CELF2: variants seen among roughly 807,000 people sequenced by gnomAD.
The protein encoded by CELF2 is CUGBP Elav-like family member 2.
A neutral mutation model predicts 62.6 loss-of-function variants in CELF2; 8 were observed. The observed-to-expected ratio is 0.13, with a 90% confidence interval of 0.07 to 0.23. CELF2 has a LOEUF of 0.23. Among genes scored for constraint, CELF2 ranks in the 10% least tolerant of loss-of-function variants. The pLI is 1.00. For missense variants in CELF2, 333 were observed against 671.0 expected (o/e 0.50, Z 5.56); for synonymous variants, 258 against 250.0 (o/e 1.03, Z -0.30).
At chr10:11,071,077 C>G (rs1273459763) in intron 1 of CELF2, among the ~76,000 whole-genome samples, 1 of 152,092 alleles carries the variant, frequency 6.6e-6, no homozygotes, top group Non-Finnish European at 1.5e-5. Context: ...CAGCAGTGAT[C>G]CTATTTATTT....
At chr10:10,499,358 C>G in the CELF2 span, among the ~76,000 whole-genome samples, 1 of 152,106 alleles carries the variant, frequency 6.6e-6, no homozygotes, top group East Asian at 1.9e-4. Flanking sequence ...CCATGCCCAG[C>G]CATTCTACCA....
chr10:11,066,623 C>A (rs2068238372), intron 1 of CELF2, among the ~76,000 whole-genome samples: 1 of 152,102 alleles, frequency 6.6e-6, no homozygotes, highest in Admixed American at 6.6e-5. Flanking sequence ...TTTAACCGTT[C>A]ACATATGTAG....
the CELF2 span, among the ~76,000 whole-genome samples, chr10:10,543,598 G>A: frequency 6.6e-6 from 1 of 152,198 alleles, no homozygotes; most frequent in Non-Finnish European, 1.5e-5. Context: ...TGTAATCCCA[G>A]CACTTTGGGA....
chr10:10,581,758 G>A, the CELF2 span, among the ~76,000 whole-genome samples: 8 of 152,138 alleles, frequency 5.3e-5, no homozygotes, highest in African/African-American at 1.2e-4. Flanking sequence ...GGCCAGGCGC[G>A]GTGGTTCACG....
intron 1 of CELF2, among the ~76,000 whole-genome samples, chr10:10,858,994 C>G (rs1393639645): frequency 1.3e-5 from 2 of 152,272 alleles, no homozygotes; most frequent in East Asian, 1.9e-4. Flanking sequence ...GGTTCAACAA[C>G]TAGCAGATGA....
At chr10:10,726,748 G>T in the CELF2 span, among the ~76,000 whole-genome samples, 34,411 of 152,070 alleles carry the variant, frequency 0.23, 4,456 homozygotes, top group South Asian at 0.43. Context: ...TAATCCTTTA[G>T]TATTAAGAAT....
intron 1 of CELF2, among the ~76,000 whole-genome samples, chr10:10,900,590 A>C (rs2062866179): frequency 6.6e-6 from 1 of 152,186 alleles, no homozygotes; most frequent in Non-Finnish European, 1.5e-5. Context: ...TAGTAGCAGA[A>C]AATTCCCTCC....
chr10:11,070,992 A>G (rs1028639188), intron 1 of CELF2, among the ~76,000 whole-genome samples: 5 of 152,222 alleles, frequency 3.3e-5, no homozygotes, highest in Admixed American at 3.3e-4. Context: ...AGTATAGATG[A>G]CTATTTTGAG....
At chr10:10,744,885 G>A in the CELF2 span, among the ~76,000 whole-genome samples, 1 of 152,022 alleles carries the variant, frequency 6.6e-6, no homozygotes, top group Non-Finnish European at 1.5e-5. Context: ...AAAAATGGAA[G>A]CTAATTACCA....
intron 1 of CELF2, among the ~76,000 whole-genome samples, chr10:10,805,376 A>T (rs1321006089): frequency 2.0e-5 from 3 of 152,216 alleles, no homozygotes; most frequent in Non-Finnish European, 2.9e-5. Flanking sequence ...CACCTCAGAG[A>T]GGAAAATTTT....
intron 1 of CELF2, among the ~76,000 whole-genome samples, chr10:10,914,918 C>A (rs542817535): frequency 6.6e-6 from 1 of 152,122 alleles, no homozygotes; most frequent in African/African-American, 2.4e-5. Context: ...CACCTCAGGT[C>A]AGGAGTTGGA....
the CELF2 span, among the ~76,000 whole-genome samples, chr10:10,660,467 A>G: frequency 6.6e-6 from 1 of 152,146 alleles, no homozygotes; most frequent in African/African-American, 2.4e-5. Context: ...TCCAACCACC[A>G]CTTACTTTAG....
chr10:10,584,158 A>G, the CELF2 span, among the ~76,000 whole-genome samples: 7 of 152,182 alleles, frequency 4.6e-5, no homozygotes, highest in Non-Finnish European at 8.8e-5. Flanking sequence ...CTCCTCTTCT[A>G]TATGTAGACT....
chr10:10,673,413 T>G, the CELF2 span, among the ~76,000 whole-genome samples: 1 of 152,094 alleles, frequency 6.6e-6, no homozygotes, highest in Non-Finnish European at 1.5e-5. Flanking sequence ...CAGTAATTTG[T>G]GTTTTATCTC....
the CELF2 span, among the ~76,000 whole-genome samples, chr10:10,757,684 C>G: frequency 3.4e-4 from 51 of 152,152 alleles, 1 homozygote; most frequent in South Asian, 5.0e-3. Flanking sequence ...GAATAAGCTA[C>G]TTGTCTTTAA....
At chr10:10,908,136 G>A (rs1043592517) in intron 1 of CELF2, among the ~76,000 whole-genome samples, 3 of 150,478 alleles carry the variant, frequency 2.0e-5, no homozygotes, top group African/African-American at 7.3e-5. Context: ...CCTGACCCTC[G>A]GGGAGCCTCA....
chr10:11,088,140 T>C (rs2047319120), intron 1 of CELF2, among the ~76,000 whole-genome samples: 1 of 152,042 alleles, frequency 6.6e-6, no homozygotes, highest in Non-Finnish European at 1.5e-5. Flanking sequence ...TGAGCAAAGG[T>C]GAGGCATGCC....
chr10:11,079,295 A>G (rs2073188424), intron 1 of CELF2, among the ~76,000 whole-genome samples: 1 of 152,296 alleles, frequency 6.6e-6, no homozygotes, highest in Admixed American at 6.5e-5. Flanking sequence ...TTATGTTCCC[A>G]TCTGTAGACC....
the CELF2 span, among the ~76,000 whole-genome samples, chr10:10,544,293 G>A: frequency 6.6e-6 from 1 of 152,192 alleles, no homozygotes; most frequent in African/African-American, 2.4e-5. Context: ...CTGGCAGGGA[G>A]CAATTGAAGA....
Sources: gnomAD v4.1 joint callset for allele counts (sites outside exome capture counted in the v4.1 genomes callset) on GRCh38, gnomAD v4.1.1 for gene constraint, MANE v1.5 for transcripts, NCBI Gene and HGNC (gene_info 2026-07-23, HGNC 2026-07-21) for gene names.